Variants in SCHIP1 observed in about 807,000 individuals in gnomAD.
SCHIP1 encodes schwannomin interacting protein 1.
A neutral mutation model predicts 29.7 loss-of-function variants in SCHIP1; 8 were observed. That is an observed-to-expected ratio of 0.27 (90% CI 0.16 to 0.49). SCHIP1 has a LOEUF of 0.49. Among genes scored for constraint, SCHIP1 ranks in the 20% least tolerant of loss-of-function variants. SCHIP1 has a pLI of 0.99. For missense variants in SCHIP1, 193 were observed against 294.6 expected (o/e 0.66, Z 2.52); for synonymous variants, 76 against 94.9 (o/e 0.80, Z 1.16).
the SCHIP1 span, among the ~76,000 whole-genome samples, chr3:159,533,889 G>T: frequency 5.3e-5 from 8 of 152,160 alleles, no homozygotes; most frequent in Non-Finnish European, 1.0e-4. Context: ...GCCAGAGAAG[G>T]TACACTGGAA....
At chr3:159,400,880 G>T in the SCHIP1 span, among the ~76,000 whole-genome samples, 2 of 152,084 alleles carry the variant, frequency 1.3e-5, no homozygotes, top group Non-Finnish European at 2.9e-5. Context: ...TAGACTTCCA[G>T]GTCTTCCCTA....
the SCHIP1 span, among the ~76,000 whole-genome samples, chr3:159,430,512 A>C: frequency 1.3e-5 from 2 of 152,168 alleles, no homozygotes; most frequent in South Asian, 4.1e-4. Flanking sequence ...TTTTTTGTGC[A>C]TATTGAGGGC....
chr3:159,728,358 T>G, the SCHIP1 span, among the ~76,000 whole-genome samples: 1 of 152,162 alleles, frequency 6.6e-6, no homozygotes, highest in East Asian at 1.9e-4. Context: ...TCTTGACATC[T>G]GAAGGAGGAT....
chr3:159,374,797 T>C, the SCHIP1 span, among the ~76,000 whole-genome samples: 1 of 152,166 alleles, frequency 6.6e-6, no homozygotes, highest in Non-Finnish European at 1.5e-5. Context: ...ACTAGATCTG[T>C]GGACTAAAGT....
the SCHIP1 span, among the ~76,000 whole-genome samples, chr3:159,472,960 C>T: frequency 7.2e-5 from 11 of 152,180 alleles, no homozygotes. Context: ...TATACCAACA[C>T]ATTAGGTAGC....
chr3:159,585,168 T>C, the SCHIP1 span, among the ~76,000 whole-genome samples: 1 of 151,998 alleles, frequency 6.6e-6, no homozygotes, highest in African/African-American at 2.4e-5. Context: ...ACTTCTGTAT[T>C]ATGGTTTTTG....
chr3:159,291,005 ACT>A, the SCHIP1 span, among the ~76,000 whole-genome samples: 1 of 152,118 alleles, frequency 6.6e-6, no homozygotes, highest in Non-Finnish European at 1.5e-5. Flanking sequence ...AAAGAAAATA[ACT>A]CAACAGAAAT....
the SCHIP1 span, among the ~76,000 whole-genome samples, chr3:159,554,779 G>T: frequency 6.6e-6 from 1 of 151,844 alleles, no homozygotes; most frequent in African/African-American, 2.4e-5. Flanking sequence ...GGGCTGCCTT[G>T]TGTTTCCTGC....
chr3:159,307,719 G>A, the SCHIP1 span, among the ~76,000 whole-genome samples: 1 of 152,108 alleles, frequency 6.6e-6, no homozygotes, highest in South Asian at 2.1e-4. Context: ...TTGTATTTAA[G>A]TTTTTAATGT....
intron 1 of SCHIP1, among the ~76,000 whole-genome samples, chr3:159,849,593 G>C (rs1712303357): frequency 6.6e-6 from 1 of 152,166 alleles, no homozygotes; most frequent in Admixed American, 6.5e-5. Context: ...AGAGCCATTT[G>C]TATGGTCTTT....
At chr3:159,313,629 G>T in the SCHIP1 span, among the ~76,000 whole-genome samples, 3 of 152,098 alleles carry the variant, frequency 2.0e-5, no homozygotes, top group African/African-American at 7.2e-5. Flanking sequence ...ATCTAATGTA[G>T]CCAGGTACAG....
the SCHIP1 span, among the ~76,000 whole-genome samples, chr3:159,489,258 C>G: frequency 6.6e-6 from 1 of 152,126 alleles, no homozygotes; most frequent in Non-Finnish European, 1.5e-5. Context: ...TGTTGACTCC[C>G]TCTATCTCTG....
the SCHIP1 span, among the ~76,000 whole-genome samples, chr3:159,593,705 T>TGAAGAA: frequency 1.4e-4 from 21 of 151,574 alleles, no homozygotes; most frequent in Admixed American, 3.9e-4. Flanking sequence ...AGAAGAGATC[T>TGAAGAA]GAAGAAGAAG....
chr3:159,582,292 T>C, the SCHIP1 span, among the ~76,000 whole-genome samples: 2 of 152,038 alleles, frequency 1.3e-5, no homozygotes, highest in African/African-American at 4.8e-5. Context: ...ACCTCCTGAG[T>C]AGCTGGGACT....
At chr3:159,721,771 T>G in the SCHIP1 span, 1 of 449,336 alleles carries the variant, frequency 2.2e-6, no homozygotes, top group South Asian at 1.9e-5. Context: ...TTTCTTCTTG[T>G]TCTGCTGTTC....
chr3:159,468,756 AATAT>A, the SCHIP1 span, among the ~76,000 whole-genome samples: 2 of 123,856 alleles, frequency 1.6e-5, no homozygotes, highest in South Asian at 2.5e-4. Context: ...TATATAATAT[AATAT>A]ATATATATAT....
chr3:159,393,474 T>G, the SCHIP1 span, among the ~76,000 whole-genome samples: 16 of 152,224 alleles, frequency 1.1e-4, no homozygotes, highest in East Asian at 3.1e-3. Flanking sequence ...TTAATCCATC[T>G]TGAATTGATT....
chr3:159,591,214 C>G, the SCHIP1 span, among the ~76,000 whole-genome samples: 1 of 152,168 alleles, frequency 6.6e-6, no homozygotes, highest in Non-Finnish European at 1.5e-5. Context: ...CATCTACAAA[C>G]AGACAATATG....
intron 2 of SCHIP1, among the ~76,000 whole-genome samples, chr3:159,883,473 G>A (rs80354503): frequency 8.5e-5 from 13 of 152,108 alleles, no homozygotes; most frequent in African/African-American, 2.7e-4. Context: ...TCCACCCTGG[G>A]CACAGAGGCC....
Sources: allele counts gnomAD v4.1 joint callset (sites outside exome capture counted in the v4.1 genomes callset), GRCh38; gene constraint gnomAD v4.1.1; transcripts MANE v1.5; gene names NCBI Gene and HGNC (gene_info 2026-07-23, HGNC 2026-07-21).